DAB1: variants seen among roughly 807,000 people sequenced by gnomAD.
The protein encoded by DAB1 is disabled homolog 1.
A neutral mutation model predicts 64.6 loss-of-function variants in DAB1; 15 were observed. That is an observed-to-expected ratio of 0.23 (90% CI 0.16 to 0.36). The LOEUF (loss-of-function observed/expected upper bound fraction) is 0.36, where lower values mean the gene tolerates loss of function less well. DAB1 is among the 10% of genes least tolerant of loss of function. The pLI is 1.00. For synonymous variants in DAB1, 235 were observed against 251.9 expected (o/e 0.93, Z 0.64); for missense variants, 596 against 706.7 (o/e 0.84, Z 1.78).
intron 1 of DAB1, among the ~76,000 whole-genome samples, chr1:57,351,194 C>G (rs890412841): frequency 1.3e-5 from 2 of 152,124 alleles, no homozygotes; most frequent in African/African-American, 4.8e-5. Flanking sequence ...AACTGGAACT[C>G]AAATCTAGGT....
chr1:57,505,119 A>C (rs1292113213), intron 7 of DAB1, among the ~76,000 whole-genome samples: 1 of 152,220 alleles, frequency 6.6e-6, no homozygotes, highest in Non-Finnish European at 1.5e-5. Flanking sequence ...TGTTGTAAAA[A>C]AAAAAGTACC....
chr1:58,325,000 G>A (rs1204195286), intron 4 of DAB1, among the ~76,000 whole-genome samples: 1 of 152,170 alleles, frequency 6.6e-6, no homozygotes, highest in Non-Finnish European at 1.5e-5. Flanking sequence ...GCCCTAATGT[G>A]GCCTGGAATC....
At chr1:57,889,301 A>G (rs1479035979) in intron 5 of DAB1, among the ~76,000 whole-genome samples, 1 of 152,252 alleles carries the variant, frequency 6.6e-6, no homozygotes, top group Non-Finnish European at 1.5e-5. Context: ...GCTTATCAGT[A>G]TATCTAACAG....
At chr1:57,291,767 A>C (rs1011020801) in intron 1 of DAB1, among the ~76,000 whole-genome samples, 1 of 152,212 alleles carries the variant, frequency 6.6e-6, no homozygotes, top group Non-Finnish European at 1.5e-5. Context: ...AGAAAAAGAA[A>C]AGAAACAGGC....
At position 58,481,694 on chromosome 1, in the gene DAB1, CCA is replaced by C. The variant is rs1432181912; in HGVS notation, n.257+24364_257+24365del. Among the ~76,000 whole-genome samples, 5 of 147,292 alleles carry C rather than the reference CCA, an allele frequency of 3.4e-5. No homozygotes were observed. The Admixed American group carries it at 3.6e-4, about 11-fold the overall frequency. ...TCTTGAATTGCAGTTCCCATAATTCCCACATGTCATGGGAGGTAACTGAATCA... is the reference window on the plus strand; with the variant it reads ...TCTTGAATTGCAGTTCCCATAATTCCCATGTCATGGGAGGTAACTGAATCA... On this transcript the variant is annotated intron_variant and non_coding_transcript_variant, in intron 3 of 20. Transcript: ENST00000485760.
At chr1:57,687,300 A>C (rs1006576748) in intron 6 of DAB1, among the ~76,000 whole-genome samples, 1 of 152,166 alleles carries the variant, frequency 6.6e-6, no homozygotes, top group African/African-American at 2.4e-5. Context: ...ATAGCCATAA[A>C]AAGTGGAAAT....
intron 5 of DAB1, among the ~76,000 whole-genome samples, chr1:58,034,616 C>T (rs1224719521): frequency 6.6e-6 from 1 of 152,134 alleles, no homozygotes; most frequent in Non-Finnish European, 1.5e-5. Context: ...ATTGGAAAAT[C>T]AGAAAGGAAA....
At chr1:58,321,980 G>A (rs1662695591) in intron 4 of DAB1, among the ~76,000 whole-genome samples, 1 of 152,256 alleles carries the variant, frequency 6.6e-6, no homozygotes, top group African/African-American at 2.4e-5. Context: ...CCTGACCCCT[G>A]TGTAGCCTAA....
intron 2 of DAB1, among the ~76,000 whole-genome samples, chr1:57,240,076 T>C (rs1399791091): frequency 6.6e-6 from 1 of 152,226 alleles, no homozygotes; most frequent in African/African-American, 2.4e-5. Context: ...AGACGTAATG[T>C]CTTTATGCAT....
intron 7 of DAB1, among the ~76,000 whole-genome samples, chr1:57,632,099 T>C (rs1244226321): frequency 6.6e-6 from 1 of 152,208 alleles, no homozygotes; most frequent in African/African-American, 2.4e-5. Flanking sequence ...GCCAGGGACC[T>C]GGTATACCTA....
intron 7 of DAB1, among the ~76,000 whole-genome samples, chr1:57,514,225 T>C (rs1644438176): frequency 6.6e-6 from 1 of 152,230 alleles, no homozygotes; most frequent in Non-Finnish European, 1.5e-5. Context: ...CTGGGTCATA[T>C]GGTAGTTCAA....
At chr1:57,704,772 C>T (rs1257640527) in intron 6 of DAB1, among the ~76,000 whole-genome samples, 1 of 152,112 alleles carries the variant, frequency 6.6e-6, no homozygotes, top group Non-Finnish European at 1.5e-5. Context: ...CTAATTGTTT[C>T]TGATTGCATT....
At chr1:57,830,596 T>C (rs565341189) in intron 1 of DAB1, among the ~76,000 whole-genome samples, 2 of 152,136 alleles carry the variant, frequency 1.3e-5, no homozygotes, top group South Asian at 2.1e-4. Context: ...AAAATATATA[T>C]ATATATAGTT....
rs143711609 is a variant in DAB1, at chr1:57,945,428, G to GTTATTATTATTATTA, written n.388-61281_388-61267dup. 2.5e-3 allele frequency among the ~76,000 whole-genome samples: 314 copies of GTTATTATTATTATTA among 123,828 alleles called. 9 individuals carry two copies. The East Asian group carries it at 0.052, about 20-fold the overall frequency. The allele number at this position is 123,828 out of a possible 152,430, so 81.2% of individuals were successfully genotyped here. ...GCATATACCACCACACTTGCTAATTGTTATTATTATTATTATTATTATTAT... is the reference window on the plus strand; with the variant it reads ...GCATATACCACCACACTTGCTAATTGTTATTATTATTATTATTATTATTATTATTATTATTATTAT... On this transcript the variant is annotated intron_variant and non_coding_transcript_variant, in intron 5 of 20. Transcript: ENST00000485760.
intron 14 of DAB1, among the ~76,000 whole-genome samples, chr1:57,005,848 C>G (rs1354596737): frequency 1.3e-5 from 2 of 152,042 alleles, no homozygotes; most frequent in South Asian, 4.1e-4. Flanking sequence ...ATAAAAATAC[C>G]TGAGTGTTCC....
chr1:57,226,672 AATATATATATATAT>A (rs61660460), intron 2 of DAB1, among the ~76,000 whole-genome samples: 1 of 136,016 alleles, frequency 7.4e-6, no homozygotes, highest in African/African-American at 3.1e-5. Flanking sequence ...TTAAAAAAAA[AATATATATATATAT>A]ATATATATAT....
intron 9 of DAB1, among the ~76,000 whole-genome samples, chr1:57,034,760 G>A (rs1456264713): frequency 1.1e-4 from 16 of 152,176 alleles, no homozygotes. Flanking sequence ...TTAAAATGGA[G>A]TTATTACGCA....
At chr1:58,362,453 T>G (rs1644176640) in intron 3 of DAB1, among the ~76,000 whole-genome samples, 1 of 152,148 alleles carries the variant, frequency 6.6e-6, no homozygotes, top group Admixed American at 6.5e-5. Context: ...AAGTGAGAGG[T>G]GGACTAGTCC....
chr1:58,080,168 C>T (rs1319862881), intron 5 of DAB1: 1 of 152,220 alleles, frequency 6.6e-6, no homozygotes, highest in African/African-American at 2.4e-5. Context: ...ATTGTCCACA[C>T]TTCAGTGACT....
Sources: allele counts gnomAD v4.1 joint callset (sites outside exome capture counted in the v4.1 genomes callset), GRCh38; gene constraint gnomAD v4.1.1; transcripts MANE v1.5; gene names NCBI Gene and HGNC (gene_info 2026-07-23, HGNC 2026-07-21).